The following SLC41A2 variants were observed in gnomAD, a reference collection of about 807,000 sequenced individuals.
SLC41A2 encodes SLC41A1-like 1.
A neutral mutation model predicts 58.3 loss-of-function variants in SLC41A2; 32 were observed. The ratio of observed to expected loss-of-function variants is 0.55; its 90% CI spans 0.41 to 0.74. The LOEUF (loss-of-function observed/expected upper bound fraction) is 0.74. Ranked by LOEUF, SLC41A2 falls within the 30% of genes least tolerant of loss-of-function variation. The pLI is 0.00. For synonymous variants in SLC41A2, 190 were observed against 235.0 expected (o/e 0.81, Z 1.75); for missense variants, 514 against 680.6 (o/e 0.76, Z 2.72).
chr12:104,853,805 G>A (rs1171312439), intron 8 of SLC41A2, among the ~76,000 whole-genome samples: 1 of 151,388 alleles, frequency 6.6e-6, no homozygotes, highest in Non-Finnish European at 1.5e-5. Flanking sequence ...ATGCAGTGGT[G>A]CAATCACGGC....
intron 1 of SLC41A2, among the ~76,000 whole-genome samples, chr12:104,930,266 G>T (rs908630227): frequency 9.2e-5 from 14 of 152,312 alleles, no homozygotes; most frequent in African/African-American, 3.4e-4. Context: ...AGTATAGACA[G>T]AAAGTTGGTG....
At chr12:104,898,156 C>T (rs2045385872) in intron 3 of SLC41A2, among the ~76,000 whole-genome samples, 1 of 152,026 alleles carries the variant, frequency 6.6e-6, no homozygotes. Flanking sequence ...GAGACATCAA[C>T]TAATTTTTTA....
intron 10 of SLC41A2, among the ~76,000 whole-genome samples, chr12:104,827,766 G>C (rs1031074055): frequency 2.0e-5 from 3 of 152,036 alleles, no homozygotes; most frequent in African/African-American, 7.2e-5. Flanking sequence ...CTGCTGTTTT[G>C]CCCAAAACAG....
intron 2 of SLC41A2, among the ~76,000 whole-genome samples, chr12:104,915,358 C>T (rs945947647): frequency 6.6e-6 from 1 of 152,124 alleles, no homozygotes; most frequent in East Asian, 1.9e-4. Context: ...AAACCTTGGG[C>T]AGTATGGCCA....
At chr12:104,857,324 C>T (rs1305745954) in intron 8 of SLC41A2, among the ~76,000 whole-genome samples, 1 of 152,086 alleles carries the variant, frequency 6.6e-6, no homozygotes, top group Non-Finnish European at 1.5e-5. Context: ...GAGAGACTCA[C>T]GTTTATGTTA....
At chr12:104,897,144 C>CTTTTCT (rs2045326707) in intron 3 of SLC41A2, among the ~76,000 whole-genome samples, 1 of 120,290 alleles carries the variant, frequency 8.3e-6, no homozygotes, top group Non-Finnish European at 1.7e-5. Flanking sequence ...TTTCTTTTTT[C>CTTTTCT]TTTTTTTTTT....
At chr12:104,851,488 AT>A (rs1329112635) in intron 8 of SLC41A2, among the ~76,000 whole-genome samples, 1 of 151,968 alleles carries the variant, frequency 6.6e-6, no homozygotes, top group African/African-American at 2.4e-5. Flanking sequence ...AGCTCAAGTG[AT>A]CCTCCTGCCT....
intron 7 of SLC41A2, among the ~76,000 whole-genome samples, chr12:104,862,258 C>A (rs1271729988): frequency 1.3e-5 from 2 of 152,190 alleles, no homozygotes; most frequent in East Asian, 1.9e-4. Context: ...TATTTTAATT[C>A]TTTAGTAAAA....
At chr12:104,863,633 G>A (rs1332303084) in intron 7 of SLC41A2, among the ~76,000 whole-genome samples, 2 of 151,970 alleles carry the variant, frequency 1.3e-5, no homozygotes, top group African/African-American at 4.8e-5. Context: ...TTTAGCAAAT[G>A]ACTTCCTACT....
intron 4 of SLC41A2, among the ~76,000 whole-genome samples, chr12:104,892,702 A>G (rs1018882542): frequency 2.0e-5 from 3 of 152,174 alleles, no homozygotes; most frequent in African/African-American, 7.2e-5. Flanking sequence ...ACAAATCCAT[A>G]TATCTACAGT....
chr12:104,923,255 A>G (rs77532644), intron 2 of SLC41A2, among the ~76,000 whole-genome samples: 61 of 142,860 alleles, frequency 4.3e-4, no homozygotes, highest in Non-Finnish European at 4.8e-4. Context: ...CCAGCTACTC[A>G]GGAGGCTGAG....
chr12:104,819,796 G>A (rs2041554578), intron 10 of SLC41A2, among the ~76,000 whole-genome samples: 1 of 152,210 alleles, frequency 6.6e-6, no homozygotes, highest in South Asian at 2.1e-4. Flanking sequence ...GACTTTGGCA[G>A]TATGAATTCA....
intron 4 of SLC41A2, among the ~76,000 whole-genome samples, chr12:104,893,186 A>G (rs535990497): frequency 6.6e-6 from 1 of 152,264 alleles, no homozygotes; most frequent in Non-Finnish European, 1.5e-5. Flanking sequence ...ATTTTAAAAC[A>G]GGCAAAAGAT....
In SLC41A2 at chr12:104,877,624, G is replaced by A. The variant is rs962546806; in HGVS notation, c.1027+8669C>T. ...ATGTATGCATCACTATATAACATTC[G>A]AAATACCGAAAGCTTTAGATGGCAA... On this transcript the variant is annotated intron_variant, in intron 6 of 10. Transcript: ENST00000258538. 6.6e-5 allele frequency among the ~76,000 whole-genome samples: 10 copies of A among 151,870 alleles called. No individual in the cohort carries two copies. In the East Asian group the frequency reaches 1.7e-3, roughly 26 times the overall value.
At chr12:104,933,464 A>C (rs938176290) in intron 1 of SLC41A2, among the ~76,000 whole-genome samples, 2 of 152,226 alleles carry the variant, frequency 1.3e-5, no homozygotes, top group Non-Finnish European at 2.9e-5. Context: ...TATGGAAAAT[A>C]GTATGGAGAT....
chr12:104,867,917 C>A (rs1005897687), intron 6 of SLC41A2, among the ~76,000 whole-genome samples: 12 of 151,452 alleles, frequency 7.9e-5, no homozygotes, highest in African/African-American at 2.9e-4. Flanking sequence ...CATACAAATC[C>A]CAAATTTTTA....
In SLC41A2 at chr12:104,923,085, G is replaced by A. The variant is rs528915896; in HGVS notation, c.555+4888C>T. 1.1e-4 allele frequency among the ~76,000 whole-genome samples: 16 copies of A among 151,386 alleles called. No individual in the cohort carries two copies. The East Asian group carries it at 1.5e-3, about 15-fold the overall frequency. On this transcript the variant is annotated intron_variant, in intron 2 of 10. Coordinates refer to ENST00000258538, the MANE Select transcript of SLC41A2 (RefSeq NM_001352171.3). ...AATACTATGTCAAAAAATAGAGGCC[G>A]GGCGCGGTGGCTCATGCCTGTAATC...
At chr12:104,957,084 C>T (rs1309527359) in intron 1 of SLC41A2, among the ~76,000 whole-genome samples, 2 of 152,134 alleles carry the variant, frequency 1.3e-5, no homozygotes, top group Non-Finnish European at 2.9e-5. Flanking sequence ...AACGTGTAAA[C>T]AAATGTGCAT....
rs1007414964 is a variant in SLC41A2, at chr12:104,880,417, G to C, written c.1027+5876C>G. ...ACACTTTTCAAAGGGAATGTTTCCAGTTTTTGCCCATTCAGTATGATATTG... is the reference window on the plus strand; with the variant it reads ...ACACTTTTCAAAGGGAATGTTTCCACTTTTTGCCCATTCAGTATGATATTG... On this transcript the variant is annotated intron_variant, in intron 6 of 10. Transcript: ENST00000258538. Among the ~76,000 whole-genome samples the C allele has an allele frequency of 4.6e-5, 7 of 152,158 alleles. 1 individual carries two copies. The highest frequency in any genetic ancestry group is 2.6e-4 in the Admixed American group (4 of 15,278).
Sources: allele counts gnomAD v4.1 joint callset (sites outside exome capture counted in the v4.1 genomes callset), GRCh38; gene constraint gnomAD v4.1.1; transcripts MANE v1.5; gene names NCBI Gene and HGNC (gene_info 2026-07-23, HGNC 2026-07-21).